The following AOPEP variants were observed in gnomAD, a reference collection of about 807,000 sequenced individuals.
The protein encoded by AOPEP is aminopeptidase O (putative).
In AOPEP, 77 loss-of-function variants were observed where a neutral mutation model predicts 98.1. The observed-to-expected ratio is 0.78, with a 90% CI of 0.65 to 0.95. The LOEUF (loss-of-function observed/expected upper bound fraction) is 0.95. AOPEP is among the 40% of genes least tolerant of loss of function. The probability of loss-of-function intolerance (pLI) is 0.00; values close to 1 mark genes in which losing one functional copy is unlikely to be tolerated. For missense variants in AOPEP, 1,024 were observed against 1,024.7 expected, an observed-to-expected ratio of 1.00 and a Z score of 0.01; for synonymous variants, 346 against 365.3, an observed-to-expected ratio of 0.95 and a Z score of 0.60.
chr9:94,880,925 G>A (rs2135841741), intron 5 of AOPEP, among the ~76,000 whole-genome samples: 1 of 152,200 alleles, frequency 6.6e-6, no homozygotes, highest in East Asian at 1.9e-4. Context: ...TTATCCAATG[G>A]AGCATCTCAT....
intron 9 of AOPEP, among the ~76,000 whole-genome samples, chr9:94,957,774 T>C (rs2058565313): frequency 6.6e-6 from 1 of 152,160 alleles, no homozygotes; most frequent in Non-Finnish European, 1.5e-5. Context: ...TTGCCTTTTC[T>C]GGACATTTCA....
intron 13 of AOPEP, among the ~76,000 whole-genome samples, chr9:95,047,589 T>C (rs1165109053): frequency 6.6e-6 from 1 of 152,224 alleles, no homozygotes; most frequent in East Asian, 1.9e-4. Context: ...GGTGGGTCCC[T>C]ATCCTGTGGT....
At chr9:95,006,550 G>T (rs4744421) in intron 13 of AOPEP, among the ~76,000 whole-genome samples, 143,806 of 152,242 alleles carry the variant, frequency 0.94, 68,028 homozygotes, top group Middle Eastern at 0.99. Context: ...CAGAGTGCAC[G>T]TCAGGATACC....
the AOPEP span, among the ~76,000 whole-genome samples, chr9:95,144,816 G>C: frequency 6.6e-6 from 1 of 152,186 alleles, no homozygotes; most frequent in Non-Finnish European, 1.5e-5. Flanking sequence ...GTGCTCCATT[G>C]CGGGTGTTGG....
At chr9:94,970,397 A>G (rs2059462060) in intron 10 of AOPEP, among the ~76,000 whole-genome samples, 1 of 150,200 alleles carries the variant, frequency 6.7e-6, no homozygotes, top group Admixed American at 6.6e-5. Context: ...ATCAAACAGT[A>G]GATCTTACTT....
intron 5 of AOPEP, among the ~76,000 whole-genome samples, chr9:94,834,039 C>T (rs758652393): frequency 5.3e-5 from 8 of 152,166 alleles, no homozygotes; most frequent in Middle Eastern, 3.4e-3. Context: ...GATCAAGCCC[C>T]GAGATCTGAT....
intron 13 of AOPEP, among the ~76,000 whole-genome samples, chr9:95,036,257 GA>G (rs1274887993): frequency 2.6e-5 from 4 of 151,990 alleles, no homozygotes; most frequent in Admixed American, 2.6e-4. Flanking sequence ...GATTTCTCAG[GA>G]TATTTTAAAA....
chr9:94,893,524 A>G (rs2049108543), intron 5 of AOPEP, among the ~76,000 whole-genome samples: 1 of 152,232 alleles, frequency 6.6e-6, no homozygotes, highest in Non-Finnish European at 1.5e-5. Context: ...TTAACAACCT[A>G]CATGTCAAAT....
At chr9:95,020,683 T>C (rs546316053) in intron 13 of AOPEP, among the ~76,000 whole-genome samples, 20 of 151,672 alleles carry the variant, frequency 1.3e-4, no homozygotes, top group Non-Finnish European at 2.5e-4. Flanking sequence ...TTTGGGAGGC[T>C]GAGGCAGGTG....
At chr9:94,735,515 C>T (rs965589009) in intron 1 of AOPEP, among the ~76,000 whole-genome samples, 13 of 152,136 alleles carry the variant, frequency 8.5e-5, no homozygotes, top group African/African-American at 1.4e-4. Flanking sequence ...CCACCGCGCC[C>T]GGCCAAGAAT....
intron 11 of AOPEP, among the ~76,000 whole-genome samples, chr9:95,003,014 C>G (rs1034656383): frequency 6.6e-6 from 1 of 152,078 alleles, no homozygotes; most frequent in Non-Finnish European, 1.5e-5. Context: ...TGCCGGAAAC[C>G]GTTAGGTTAT....
chr9:94,745,065 C>T (rs1294111380), intron 1 of AOPEP, among the ~76,000 whole-genome samples: 1 of 152,110 alleles, frequency 6.6e-6, no homozygotes, highest in Non-Finnish European at 1.5e-5. Context: ...TGATTATTTC[C>T]TTGTGTTACG....
the AOPEP span, among the ~76,000 whole-genome samples, chr9:95,117,549 A>G: frequency 1.3e-5 from 2 of 152,184 alleles, no homozygotes; most frequent in African/African-American, 4.8e-5. Context: ...TAAGCTCCCA[A>G]TAACCTCATA....
chr9:94,878,857 G>A (rs2047263417), intron 5 of AOPEP, among the ~76,000 whole-genome samples: 1 of 152,238 alleles, frequency 6.6e-6, no homozygotes, highest in Admixed American at 6.5e-5. Context: ...GATTTATCAA[G>A]ACAGGGGAAT....
the AOPEP span, chr9:95,145,392 T>C: frequency 1.3e-5 from 2 of 152,152 alleles, no homozygotes; most frequent in African/African-American, 2.4e-5. Flanking sequence ...GCTTAACAAA[T>C]GGTAAAACGT....
At chr9:94,775,373 A>ATT (rs1170011175) in intron 3 of AOPEP, among the ~76,000 whole-genome samples, 154 of 140,320 alleles carry the variant, frequency 1.1e-3, no homozygotes, top group African/African-American at 1.9e-3. Flanking sequence ...TATTTACTTG[A>ATT]TTTTTTTTTT....
the AOPEP span, chr9:95,114,318 T>C: frequency 5.2e-6 from 2 of 388,140 alleles, no homozygotes; most frequent in Admixed American, 3.6e-5. Flanking sequence ...GGTGCTGCTT[T>C]TTCCAAGGCC....
At chr9:94,804,269 A>G (rs1413846350) in intron 5 of AOPEP, among the ~76,000 whole-genome samples, 1 of 152,206 alleles carries the variant, frequency 6.6e-6, no homozygotes, top group African/African-American at 2.4e-5. Context: ...TGTGTATAGG[A>G]AATGCTTTGC....
intron 7 of AOPEP, among the ~76,000 whole-genome samples, chr9:94,937,156 G>T (rs971460934): frequency 6.6e-6 from 1 of 152,204 alleles, no homozygotes; most frequent in African/African-American, 2.4e-5. Flanking sequence ...ATGCTGCCTT[G>T]GTCTTTCCAG....
Sources: allele counts gnomAD v4.1 joint callset (sites outside exome capture counted in the v4.1 genomes callset), GRCh38; gene constraint gnomAD v4.1.1; transcripts MANE v1.5; gene names NCBI Gene and HGNC (gene_info 2026-07-23, HGNC 2026-07-21).